The following PTPRT variants were observed in gnomAD, a reference collection of about 807,000 sequenced individuals.
PTPRT encodes the protein receptor-type tyrosine-protein phosphatase T.
In PTPRT, 56 loss-of-function variants were observed where a neutral mutation model predicts 176.8. The observed-to-expected ratio is 0.32, with a 90% CI of 0.26 to 0.40. The LOEUF (loss-of-function observed/expected upper bound fraction) is 0.40. Ranked by LOEUF, PTPRT falls within the 10% of genes least tolerant of loss-of-function variation. PTPRT has a pLI of 1.00. For synonymous variants in PTPRT, 783 were observed against 739.0 expected (o/e 1.06, Z -0.96); for missense variants, 1,540 against 1,908.2 (o/e 0.81, Z 3.60).
intron 3 of PTPRT, among the ~76,000 whole-genome samples, chr20:42,784,475 A>G (rs1477652711): frequency 1.3e-5 from 2 of 152,206 alleles, no homozygotes; most frequent in Non-Finnish European, 2.9e-5. Flanking sequence ...TATCAGCCCA[A>G]GGAGACCTGT....
intron 13 of PTPRT, among the ~76,000 whole-genome samples, chr20:42,269,993 G>C (rs911888692): frequency 6.6e-6 from 1 of 152,010 alleles, no homozygotes; most frequent in Non-Finnish European, 1.5e-5. Flanking sequence ...TGTTTATTTT[G>C]AATACCATGT....
intron 1 of PTPRT, among the ~76,000 whole-genome samples, chr20:43,104,107 A>C (rs2012502611): frequency 6.6e-6 from 1 of 152,198 alleles, no homozygotes; most frequent in Non-Finnish European, 1.5e-5. Context: ...CATTACTTCC[A>C]AGTAAATTCT....
intron 7 of PTPRT, among the ~76,000 whole-genome samples, chr20:42,523,990 C>T (rs2072224045): frequency 6.6e-6 from 1 of 151,448 alleles, no homozygotes. Flanking sequence ...TAGGGAGACC[C>T]TATCTCTAAA....
intron 7 of PTPRT, among the ~76,000 whole-genome samples, chr20:42,614,317 C>G (rs1334425222): frequency 3.3e-5 from 5 of 152,284 alleles, no homozygotes; most frequent in African/African-American, 1.2e-4. Flanking sequence ...CTTAATTTAA[C>G]TGCATGCACA....
chr20:42,101,789 T>C (rs989416200), intron 26 of PTPRT, among the ~76,000 whole-genome samples: 5 of 152,220 alleles, frequency 3.3e-5, no homozygotes, highest in Non-Finnish European at 1.5e-5. Flanking sequence ...AGAAAATACC[T>C]GCTTTACTAA....
At chr20:42,050,917 T>A in the PTPRT span, among the ~76,000 whole-genome samples, 32 of 152,262 alleles carry the variant, frequency 2.1e-4, no homozygotes, top group Admixed American at 1.2e-3. Context: ...AACACAAATT[T>A]ATGAAAATAG....
At chr20:42,146,860 G>A (rs560163791) in intron 17 of PTPRT, among the ~76,000 whole-genome samples, 2 of 152,168 alleles carry the variant, frequency 1.3e-5, no homozygotes, top group African/African-American at 4.8e-5. Flanking sequence ...TATCCTACCA[G>A]TTATAAGGTG....
At chr20:42,052,338 G>A in the PTPRT span, among the ~76,000 whole-genome samples, 1 of 152,162 alleles carries the variant, frequency 6.6e-6, no homozygotes, top group Admixed American at 6.5e-5. Context: ...TGGCTGATAA[G>A]GCAGGTAGCT....
intron 9 of PTPRT, among the ~76,000 whole-genome samples, chr20:42,393,759 A>C (rs574388839): frequency 4.0e-4 from 61 of 152,334 alleles, no homozygotes; most frequent in African/African-American, 1.3e-3. Flanking sequence ...TTGTATCCTA[A>C]CTTCATTCTT....
At chr20:42,980,053 T>TA (rs1983187628) in intron 1 of PTPRT, among the ~76,000 whole-genome samples, 1 of 152,092 alleles carries the variant, frequency 6.6e-6, no homozygotes. Flanking sequence ...TGAGGCTTTT[T>TA]TTATTCTAAA....
intron 16 of PTPRT, among the ~76,000 whole-genome samples, chr20:42,180,491 A>C (rs916831637): frequency 6.6e-6 from 1 of 152,178 alleles, no homozygotes; most frequent in Non-Finnish European, 1.5e-5. Flanking sequence ...CATATAATGT[A>C]CTTATCTTTT....
At chr20:42,286,590 G>A (rs1224541214) in intron 12 of PTPRT, among the ~76,000 whole-genome samples, 1 of 151,710 alleles carries the variant, frequency 6.6e-6, no homozygotes, top group Non-Finnish European at 1.5e-5. Flanking sequence ...ACTCAAAATG[G>A]ATAAGAGACA....
chr20:42,547,930 A>G (rs2064678), intron 7 of PTPRT, among the ~76,000 whole-genome samples: 17,905 of 152,072 alleles, frequency 0.12, 1,138 homozygotes, highest in East Asian at 0.22. Flanking sequence ...TACACCATCA[A>G]TAAGTAACTA....
At chr20:42,315,282 G>A (rs140977320) in intron 12 of PTPRT, among the ~76,000 whole-genome samples, 242 of 150,634 alleles carry the variant, frequency 1.6e-3, no homozygotes, top group African/African-American at 5.4e-3. Flanking sequence ...GAAAAAGGGC[G>A]TATTAATCAC....
intron 1 of PTPRT, among the ~76,000 whole-genome samples, chr20:43,011,501 G>A (rs939060346): frequency 6.6e-6 from 1 of 152,202 alleles, no homozygotes; most frequent in African/African-American, 2.4e-5. Flanking sequence ...CACATGAAGT[G>A]GAGATCGATG....
intron 1 of PTPRT, among the ~76,000 whole-genome samples, chr20:43,184,887 C>T (rs1214273358): frequency 1.3e-5 from 2 of 152,150 alleles, no homozygotes; most frequent in South Asian, 4.1e-4. Flanking sequence ...TAAATAAATG[C>T]CATTATCCTG....
chr20:42,373,132 T>A (rs2058608732), intron 9 of PTPRT, among the ~76,000 whole-genome samples: 1 of 152,194 alleles, frequency 6.6e-6, no homozygotes, highest in Non-Finnish European at 1.5e-5. Flanking sequence ...GCAGTATACA[T>A]TGCGTTATTT....
chr20:42,740,866 T>C (rs1000160762), intron 6 of PTPRT, among the ~76,000 whole-genome samples: 12 of 152,104 alleles, frequency 7.9e-5, no homozygotes, highest in African/African-American at 2.9e-4. Context: ...AGGGCACTTG[T>C]AAGGGCAGAA....
intron 7 of PTPRT, among the ~76,000 whole-genome samples, chr20:42,658,735 A>G (rs2075169957): frequency 6.6e-6 from 1 of 152,218 alleles, no homozygotes; most frequent in African/African-American, 2.4e-5. Context: ...TCTATATTAA[A>G]TGTAATGTAT....
Sources: allele counts gnomAD v4.1 joint callset (sites outside exome capture counted in the v4.1 genomes callset), GRCh38; gene constraint gnomAD v4.1.1; transcripts MANE v1.5; gene names NCBI Gene and HGNC (gene_info 2026-07-23, HGNC 2026-07-21).